The following TAF4 variants were observed in gnomAD, a reference collection of about 807,000 sequenced individuals.
The protein encoded by TAF4 is TATA-box binding protein associated factor 4, also known as transcription initiation factor TFIID subunit 4.
In TAF4, 9 loss-of-function variants were observed where a neutral mutation model predicts 90.3. The observed-to-expected ratio is 0.10, with a 90% CI of 0.06 to 0.17. The LOEUF (loss-of-function observed/expected upper bound fraction) is 0.17, where lower values mean the gene tolerates loss of function less well. TAF4 is among the 10% of genes least tolerant of loss of function. TAF4 has a pLI of 1.00. For missense variants in TAF4, 1,351 were observed against 1,370.7 expected, an observed-to-expected ratio of 0.99 and a Z score of 0.23; for synonymous variants, 818 against 638.9, an observed-to-expected ratio of 1.28 and a Z score of -4.23.
At chr20:61,985,706 G>A (rs1488654954) in intron 14 of TAF4, among the ~76,000 whole-genome samples, 3 of 151,108 alleles carry the variant, frequency 2.0e-5, no homozygotes, top group Non-Finnish European at 2.9e-5. Flanking sequence ...AGCCTGTGAC[G>A]TCAGACTAGA....
Position 61,993,116 on chromosome 20 carries a change from G to A in TAF4, c.3090+4434C>T, listed in dbSNP as rs190834099. Among the ~76,000 whole-genome samples, 8 of 152,324 alleles carry A rather than the reference G, an allele frequency of 5.3e-5. 1 individual carries two copies. Among genetic ancestry groups the A allele is most frequent in the Admixed American group, 1.3e-4 (2 of 15,286 alleles). ...AAGCGGCCAAACAGTAGTGGAGGAAGAGTCTCCAAAAGAACACCCCAAAGA... is the reference window on the plus strand; with the variant it reads ...AAGCGGCCAAACAGTAGTGGAGGAAAAGTCTCCAAAAGAACACCCCAAAGA... On this transcript the variant is annotated intron_variant, in intron 14 of 14. Coordinates refer to ENST00000252996, the MANE Select transcript of TAF4 (RefSeq NM_003185.4).
intron 8 of TAF4, 56 bp downstream of exon 8, chr20:62,003,675 C>A: frequency 6.7e-7 from 1 of 1,499,810 alleles, no homozygotes. Context: ...CCAATGGCAG[C>A]TGGCTCTGGG....
chr20:62,041,125 C>T (rs1281192087), intron 1 of TAF4, among the ~76,000 whole-genome samples: 2 of 152,190 alleles, frequency 1.3e-5, no homozygotes, highest in Non-Finnish European at 1.5e-5. Flanking sequence ...AGATCCACAC[C>T]GACGGCGAGA....
chr20:61,991,119 T>A (rs977112053), intron 14 of TAF4, among the ~76,000 whole-genome samples: 3 of 151,926 alleles, frequency 2.0e-5, no homozygotes, highest in Admixed American at 6.6e-5. Context: ...GATAATTTTT[T>A]AAAAAAGAGA....
At chr20:62,000,052 A>T in intron 11 of TAF4, 72 bp downstream of exon 11, 8 of 1,605,970 alleles carry the variant, frequency 5.0e-6, no homozygotes, top group Middle Eastern at 1.7e-4. Flanking sequence ...CGGTGTGGGG[A>T]GGAGGCTCCC....
rs2056122916 is a variant in TAF4, at chr20:62,065,294, C to G, written c.517G>C (p.Gly173Arg). 1 of 920,314 alleles carries G rather than the reference C, an allele frequency of 1.1e-6. No individual in the cohort carries two copies. The highest frequency in any genetic ancestry group is 2.0e-5 in the African/African-American group (1 of 50,040). The allele number at this position is 920,314 out of a possible 1,614,324, so 57.0% of individuals were successfully genotyped here. A position where few individuals can be genotyped will look rare whatever the true frequency, so the allele number is the denominator to read the frequency against. Residue 173 changes from glycine to arginine, a missense_variant, in exon 1 of 15, where the codon GGC becomes CGC. Gly to Arg is a moderately radical substitution (Grantham distance 125, BLOSUM62 -2). This residue lies in a region of TAF4 where 782 missense variants were observed against 536.6 expected (regional missense o/e 1.46). Transcript: ENST00000252996. ...CCGGGGCCGGGGCCGGGCCCGGGGC[C>G]GGGGCCGGCGCGGGCGGCCAGCGCG... is the stretch of plus-strand genomic sequence containing the variant. ...PAALAARAGP[G>R]PGPGPGPGPG...
chr20:62,063,903 G>A (rs2056104848), intron 1 of TAF4, among the ~76,000 whole-genome samples: 1 of 152,262 alleles, frequency 6.6e-6, no homozygotes. Context: ...GCCTCAAGGA[G>A]GGGGCGTCGC....
intron 1 of TAF4, among the ~76,000 whole-genome samples, chr20:62,049,651 GCC>G (rs1399645697): frequency 1.3e-5 from 2 of 150,822 alleles, no homozygotes; most frequent in East Asian, 3.9e-4. Flanking sequence ...CCCGCACCCT[GCC>G]CCTCATCCAC....
intron 12 of TAF4, among the ~76,000 whole-genome samples, 166 bp downstream of exon 12, chr20:61,998,817 A>T (rs2055679650): frequency 6.6e-6 from 1 of 152,144 alleles, no homozygotes; most frequent in Non-Finnish European, 1.5e-5. Flanking sequence ...GTGCCAAATG[A>T]ATGAGGCTTC....
In TAF4 at chr20:62,006,680, G is replaced by T. The variant is rs1282956109; in HGVS notation, c.2053C>A (p.Pro685Thr). Residue 685 changes from proline (P) to threonine (T), a missense_variant, in exon 7 of 15, where the codon CCC becomes ACC. By Grantham distance (38) the Pro-to-Thr change is conservative (BLOSUM62 -1). Around this residue, in one of 9 missense-constraint regions of TAF4, gnomAD observed 202 missense variants for 229.7 expected, o/e 0.88. Coordinates refer to ENST00000252996, the MANE Select transcript of TAF4 (RefSeq NM_003185.4). This position sits in a 1 kb window ranked among gnomAD's most constrained non-coding sequence, Gnocchi z 7.0. The stretch of plus-strand genomic sequence containing the variant: ...AGCGCAGTGGTGGCCTGCGAGGTGG[G>T]CGGTGGCGGCTGCTGCTGGCTCTGC... ...IQQSQQQPPP[P>T]TSQATTALTA... 6.3e-7 allele frequency: 1 copy of T among 1,594,874 alleles called. No homozygotes were observed. The highest frequency in any genetic ancestry group is 1.7e-5 in the Admixed American group (1 of 58,832).
At position 62,015,094 on chromosome 20, in the gene TAF4, G is replaced by T. The variant is rs373144853; in HGVS notation, c.1361-387C>A. 3.9e-5 allele frequency among the ~76,000 whole-genome samples: 6 copies of T among 152,308 alleles called. No homozygotes were observed. In the East Asian group the frequency reaches 7.8e-4, roughly 20 times the overall value. On this transcript the variant is annotated intron_variant, in intron 1 of 14. Transcript: ENST00000252996. ...CCTGTGCCAGGGCCACGTCCGCTGG[G>T]CTGGGCCTAGAGGGCACAACCATGT...
intron 1 of TAF4, among the ~76,000 whole-genome samples, chr20:62,021,097 T>C (rs1410500751): frequency 1.3e-5 from 2 of 152,084 alleles, no homozygotes; most frequent in Admixed American, 6.5e-5. Flanking sequence ...CGGGAAGAGA[T>C]GGCCAGCACC....
Position 61,975,293 on chromosome 20 carries a change from C to A in TAF4, c.*875G>T, listed in dbSNP as rs2055486093. On this transcript the variant is annotated 3_prime_UTR_variant, in exon 15 of 15. Transcript: ENST00000252996. ...TATGTCATGTGCCAAAAGTTATGTA[C>A]AATTACTGACAAAATACACCAACCA... 1 of 152,176 alleles carries A rather than the reference C, an allele frequency of 6.6e-6. No individual in the cohort carries two copies. 9.4% of individuals were successfully genotyped at this position (152,176 alleles called of 1,614,324 possible). A position where few individuals can be genotyped will look rare whatever the true frequency, so the allele number is the denominator to read the frequency against.
intron 1 of TAF4, among the ~76,000 whole-genome samples, chr20:62,048,835 CCCA>C: frequency 7.1e-6 from 1 of 141,572 alleles, no homozygotes; most frequent in African/African-American, 2.7e-5. Context: ...TCCGTACACC[CCCA>C]CCCCAGCCCT....
Position 62,064,653 on chromosome 20 carries a change from C to T in TAF4, c.1158G>A (p.Pro386=), listed in dbSNP as rs2056111941. The part of the protein sequence containing the change: ...GPTMQGALPS[P]AAVPPPAPGT... ...CGGGGGCGGGCGGCGGGACGGCGGC[C>T]GGGCTGGGCAGCGCCCCTTGCATAG... Residue 386 remains proline (P), a synonymous_variant, in exon 1 of 15, where the codon CCG becomes CCA. Coordinates refer to ENST00000252996, the MANE Select transcript of TAF4 (RefSeq NM_003185.4). 2 of 1,315,090 alleles carry T rather than the reference C, an allele frequency of 1.5e-6. No homozygotes were observed. The highest frequency in any genetic ancestry group is 2.0e-5 in the South Asian group (1 of 50,258). The allele number at this position is 1,315,090 out of a possible 1,614,324, so 81.5% of individuals were successfully genotyped here.
intron 1 of TAF4, among the ~76,000 whole-genome samples, chr20:62,042,230 G>A (rs1010657772): frequency 6.6e-6 from 1 of 152,186 alleles, no homozygotes; most frequent in Non-Finnish European, 1.5e-5. Flanking sequence ...ATGTCGAGAG[G>A]GGTTTGGCTG....
rs1220069852 is a variant in TAF4 at position 62,064,975 on chromosome 20, G to A, written c.836C>T (p.Thr279Ile). 1.7e-4 allele frequency: 62 copies of A among 359,628 alleles called. No individual in the cohort carries two copies. Among genetic ancestry groups the A allele is most frequent in the Non-Finnish European group, 2.2e-4 (58 of 268,132 alleles). 22.3% of individuals were successfully genotyped at this position (359,628 alleles called of 1,614,324 possible). A position where few individuals can be genotyped will look rare whatever the true frequency, so the allele number is the denominator to read the frequency against. ...APPPPPPAPA[T>I]LARPPGHPAG... ...GGGGTGGCCGGGCGGCCGGGCCAGA[G>A]TGGCGGGCGCGGGGGGTGGCGGGGG... is the stretch of plus-strand genomic sequence containing the variant. The change falls in exon 1 of 15, where the codon ACT (threonine) becomes ATT (isoleucine). Residue 279 changes from threonine to isoleucine, a missense_variant. Thr to Ile is a moderately conservative substitution (Grantham distance 89, BLOSUM62 -1). Around this residue, in one of 9 missense-constraint regions of TAF4, gnomAD observed 782 missense variants for 536.6 expected, o/e 1.46. Transcript: ENST00000252996.
intron 1 of TAF4, among the ~76,000 whole-genome samples, chr20:62,020,388 C>A (rs553618384): frequency 6.6e-6 from 1 of 152,264 alleles, no homozygotes; most frequent in Admixed American, 6.5e-5. Context: ...GCTGAACAGT[C>A]GCCCCTGCCA....
chr20:62,010,219 G>C lies in TAF4; in HGVS notation c.1642-54C>G, dbSNP rs985523818. ...GGCATCTCACGCCACCAGCTGACGAGGGGGAGACCAGCCTCACGCCCAGCA... is the reference window on the plus strand; with the variant it reads ...GGCATCTCACGCCACCAGCTGACGACGGGGAGACCAGCCTCACGCCCAGCA... On this transcript the variant is annotated intron_variant, in intron 3 of 14. Coordinates refer to ENST00000252996, the MANE Select transcript of TAF4 (RefSeq NM_003185.4). The surrounding 1 kb of genome is among the most constrained non-coding windows in gnomAD (Gnocchi z 4.5). 27 of 1,611,094 alleles carry C rather than the reference G, an allele frequency of 1.7e-5. No homozygotes were observed. The highest frequency in any genetic ancestry group is 2.2e-5 in the South Asian group (2 of 91,036).
Sources: allele counts gnomAD v4.1 joint callset (sites outside exome capture counted in the v4.1 genomes callset), GRCh38; gene constraint gnomAD v4.1.1; regional missense constraint gnomAD v4.1.1; non-coding constraint Gnocchi (gnomAD v3.1); transcripts MANE v1.5; gene names NCBI Gene and HGNC (gene_info 2026-07-23, HGNC 2026-07-21).